The following R3HDM1 variants were observed in gnomAD, a reference collection of about 807,000 sequenced individuals.
R3HDM1 encodes R3H domain containing 1, also known as R3H domain-containing protein 1.
R3HDM1 carries 46 observed loss-of-function variants against 141.1 expected under a neutral mutation model. The observed-to-expected ratio is 0.33, with a 90% CI of 0.26 to 0.42. The LOEUF is 0.42. Among genes scored for constraint, R3HDM1 ranks in the 10% least tolerant of loss-of-function variants. The pLI, the probability that R3HDM1 is intolerant of heterozygous loss-of-function variation, is 1.00. For synonymous variants in R3HDM1, 435 were observed against 472.9 expected, an observed-to-expected ratio of 0.92 and a Z score of 1.04; for missense variants, 1,184 against 1,368.3, an observed-to-expected ratio of 0.87 and a Z score of 2.12.
At chr2:135,689,912 C>A (rs2072042460) in intron 21 of R3HDM1, among the ~76,000 whole-genome samples, 1 of 152,112 alleles carries the variant, frequency 6.6e-6, no homozygotes, top group Non-Finnish European at 1.5e-5. Context: ...CTCCTATTTT[C>A]CCTTTCATTT....
chr2:135,622,762 G>C, intron 7 of R3HDM1, 30 bp downstream of exon 7: 2 of 1,527,054 alleles, frequency 1.3e-6, no homozygotes, highest in Non-Finnish European at 1.8e-6. Context: ...GGTTTCCATT[G>C]CTTCTAGAGT....
At chr2:135,702,483 ACCC>A (rs1362639807) in intron 21 of R3HDM1, among the ~76,000 whole-genome samples, 1 of 151,542 alleles carries the variant, frequency 6.6e-6, no homozygotes, top group Admixed American at 6.6e-5. Flanking sequence ...ACACGATGAA[ACCC>A]CATCTCTACT....
In R3HDM1 at chr2:135,602,510, G is replaced by A; in HGVS notation, c.-239G>A. The A allele has an allele frequency of 7.7e-7, 1 of 1,294,224 alleles. No homozygotes were observed. Among genetic ancestry groups the A allele is most frequent in the Non-Finnish European group, 9.9e-7 (1 of 1,013,506 alleles). The allele number at this position is 1,294,224 out of a possible 1,614,324, so 80.2% of individuals were successfully genotyped here. ...TTGTTTTCATTTTAGGCCACGGAAA[G>A]GTATGATATATTTGATCCAAGACAG... On this transcript the variant is annotated 5_prime_UTR_variant, in exon 2 of 27. Transcript: ENST00000683871.
intron 18 of R3HDM1, among the ~76,000 whole-genome samples, chr2:135,659,283 G>A (rs1204706569): frequency 1.3e-5 from 2 of 151,862 alleles, no homozygotes; most frequent in Non-Finnish European, 2.9e-5. Context: ...TTTTTGTAGA[G>A]ATAGGGTTTC....
chr2:135,664,734 A>G (rs1417945421), intron 19 of R3HDM1, among the ~76,000 whole-genome samples: 2 of 152,252 alleles, frequency 1.3e-5, no homozygotes, highest in African/African-American at 4.8e-5. Flanking sequence ...ATGTGAAACT[A>G]CTGAACTGTT....
At chr2:135,596,422 T>A (rs1027944218) in intron 1 of R3HDM1, among the ~76,000 whole-genome samples, 2 of 152,246 alleles carry the variant, frequency 1.3e-5, no homozygotes, top group Non-Finnish European at 2.9e-5. Flanking sequence ...CACTCAGTAC[T>A]GACCACTCAG....
At chr2:135,632,525 T>G (rs1164173875) in intron 9 of R3HDM1, among the ~76,000 whole-genome samples, 1 of 152,166 alleles carries the variant, frequency 6.6e-6, no homozygotes, top group Non-Finnish European at 1.5e-5. Flanking sequence ...CTATGTATGA[T>G]TCTCCGGAGG....
chr2:135,667,781 C>G, intron 19 of R3HDM1: 1 of 972,168 alleles, frequency 1.0e-6, no homozygotes, highest in Non-Finnish European at 1.2e-6. Flanking sequence ...TTTTCTTTCT[C>G]AAACTTGGCA....
At position 135,531,574 on chromosome 2, in the gene R3HDM1, A is replaced by C. The variant is rs1461214862; in HGVS notation, c.-309A>C. The C allele has an allele frequency of 3.0e-6, 3 of 986,424 alleles. No homozygotes were observed. Among genetic ancestry groups the C allele is most frequent in the Non-Finnish European group, 3.6e-6 (3 of 830,588 alleles). The allele number at this position is 986,424 out of a possible 1,614,324, so 61.1% of individuals were successfully genotyped here. On this transcript the variant is annotated 5_prime_UTR_variant, in exon 1 of 27. Coordinates refer to ENST00000683871, the MANE Select transcript of R3HDM1 (RefSeq NM_001378107.1). ...GTAAGACTCTTACTTGCACCCACCC[A>C]GCCCCGCCGTCGCCCCGCCGCGCCG...
rs1210578730 is a variant in R3HDM1 at position 135,724,811 on chromosome 2, T to G, written c.*519T>G. 6.6e-6 allele frequency: 1 copy of G among 152,658 alleles called. No homozygotes were observed. The highest frequency in any genetic ancestry group is 1.5e-5 in the Non-Finnish European group (1 of 68,102). The allele number at this position is 152,658 out of a possible 1,614,324, so 9.5% of individuals were successfully genotyped here. On this transcript the variant is annotated 3_prime_UTR_variant, in exon 27 of 27. Transcript: ENST00000683871. ...AATAGAGGATTACTCTTCCCCTGAA[T>G]CTCTAAACTCAGAAACAATTACCAA...
At chr2:135,586,835 G>T (rs570756022) in intron 1 of R3HDM1, 1 of 985,120 alleles carries the variant, frequency 1.0e-6, no homozygotes, top group Admixed American at 6.2e-5. Context: ...ACAGCAAATT[G>T]TCAGCTGGAA....
chr2:135,694,857 C>T (rs760738129), intron 21 of R3HDM1, among the ~76,000 whole-genome samples: 1 of 152,140 alleles, frequency 6.6e-6, no homozygotes, highest in Non-Finnish European at 1.5e-5. Context: ...GGAAAAGAAC[C>T]ACTCAAAAGG....
intron 18 of R3HDM1, among the ~76,000 whole-genome samples, chr2:135,660,151 A>G: frequency 6.6e-6 from 1 of 152,244 alleles, no homozygotes; most frequent in Non-Finnish European, 1.5e-5. Context: ...AAGATGTCTC[A>G]AAAACAACAT....
rs899233879 is a variant in R3HDM1, at chr2:135,531,758, G to A, written c.-250+125G>A. On this transcript the variant is annotated intron_variant, in intron 1 of 26. Transcript: ENST00000683871. ...CAGGCAGGGGAGAGATGTGGTGTGTGGAAAGGTGGCCTTCCCCGCCGGGTC... is the reference window on the plus strand; with the variant it reads ...CAGGCAGGGGAGAGATGTGGTGTGTAGAAAGGTGGCCTTCCCCGCCGGGTC... 72 of 985,692 alleles carry A rather than the reference G, an allele frequency of 7.3e-5. No homozygotes were observed. In the Middle Eastern group the frequency reaches 1.5e-3, roughly 21 times the overall value. 61.1% of individuals were successfully genotyped at this position (985,692 alleles called of 1,614,324 possible).
chr2:135,678,757 CTTTT>C (rs397738151), intron 20 of R3HDM1, among the ~76,000 whole-genome samples: 4 of 84,178 alleles, frequency 4.8e-5, no homozygotes, highest in East Asian at 6.2e-4. Flanking sequence ...TACTGGCTTG[CTTTT>C]TTTTTTTTTT....
chr2:135,550,612 A>G (rs1031316143), intron 1 of R3HDM1, among the ~76,000 whole-genome samples: 1 of 152,232 alleles, frequency 6.6e-6, no homozygotes, highest in Non-Finnish European at 1.5e-5. Flanking sequence ...AGTCACACCA[A>G]GGTCACAGAA....
intron 1 of R3HDM1, among the ~76,000 whole-genome samples, chr2:135,574,752 C>T (rs954290852): frequency 7.9e-5 from 12 of 152,114 alleles, no homozygotes; most frequent in African/African-American, 2.9e-4. Flanking sequence ...GAGCCTTCAA[C>T]AAGACCACCC....
At chr2:135,536,442 C>G in intron 1 of R3HDM1, 2 of 681,138 alleles carry the variant, frequency 2.9e-6, no homozygotes, top group Non-Finnish European at 3.6e-6. Flanking sequence ...CCACTGCACC[C>G]AGCCTATTTC....
At chr2:135,701,223 CAAAAAAA>C (rs748354211) in intron 21 of R3HDM1, among the ~76,000 whole-genome samples, 31 of 82,420 alleles carry the variant, frequency 3.8e-4, no homozygotes, top group East Asian at 1.3e-3. Flanking sequence ...TCATCTCTAC[CAAAAAAA>C]AAAAAAAAAA....
Sources: gnomAD v4.1 joint callset for allele counts (sites outside exome capture counted in the v4.1 genomes callset) on GRCh38, gnomAD v4.1.1 for gene constraint, MANE v1.5 for transcripts, NCBI Gene and HGNC (gene_info 2026-07-23, HGNC 2026-07-21) for gene names.